Variants in HOMER1 observed in about 807,000 individuals in gnomAD.
The protein encoded by HOMER1 is homer scaffold protein 1.
Under a neutral mutation model 48.9 loss-of-function variants are expected in HOMER1, and 3 were observed. That is an observed-to-expected ratio of 0.06 (90% CI 0.03 to 0.16). The LOEUF is 0.16. Among genes scored for constraint, HOMER1 ranks in the 10% least tolerant of loss-of-function variants. The pLI is 1.00. For synonymous variants in HOMER1, 134 were observed against 146.4 expected, an observed-to-expected ratio of 0.92 and a Z score of 0.61; for missense variants, 247 against 411.4, an observed-to-expected ratio of 0.60 and a Z score of 3.46.
At chr5:79,445,058 T>C (rs1326751274) in intron 4 of HOMER1, among the ~76,000 whole-genome samples, 1 of 152,168 alleles carries the variant, frequency 6.6e-6, no homozygotes, top group Non-Finnish European at 1.5e-5. Flanking sequence ...ATCAACTCTC[T>C]ATACCAGTAG....
intron 4 of HOMER1, among the ~76,000 whole-genome samples, chr5:79,444,238 T>C (rs1750815388): frequency 6.6e-6 from 1 of 152,072 alleles, no homozygotes. Context: ...ACATTAGATA[T>C]TGTCACCCAG....
intron 5 of HOMER1, among the ~76,000 whole-genome samples, chr5:79,415,965 T>C (rs915496370): frequency 1.3e-5 from 2 of 152,186 alleles, no homozygotes; most frequent in Non-Finnish European, 2.9e-5. Context: ...ACTATCTTTA[T>C]AGGGTGATTT....
intron 5 of HOMER1, among the ~76,000 whole-genome samples, chr5:79,422,768 C>G (rs1326747622): frequency 6.6e-6 from 1 of 151,478 alleles, no homozygotes; most frequent in Non-Finnish European, 1.5e-5. Context: ...TGTTCACTAC[C>G]TAGCATTTAA....
chr5:79,495,410 G>A (rs1237387467), intron 1 of HOMER1, among the ~76,000 whole-genome samples: 8 of 152,284 alleles, frequency 5.3e-5, no homozygotes, highest in Admixed American at 4.6e-4. Flanking sequence ...CTGGCTATGT[G>A]AAGCTTTCTC....
At chr5:79,466,474 G>A (rs751042380) in intron 1 of HOMER1, among the ~76,000 whole-genome samples, 41 of 151,146 alleles carry the variant, frequency 2.7e-4, no homozygotes, top group Non-Finnish European at 5.9e-4. Flanking sequence ...CTCCAGCCTG[G>A]CCAACAGAGG....
At chr5:79,451,638 T>C (rs1751031718) in intron 2 of HOMER1, among the ~76,000 whole-genome samples, 1 of 136,748 alleles carries the variant, frequency 7.3e-6, no homozygotes, top group African/African-American at 2.8e-5. Context: ...TGATCTCGGC[T>C]AACTGCAAGC....
At chr5:79,506,173 G>A (rs1752761142) in intron 1 of HOMER1, among the ~76,000 whole-genome samples, 1 of 151,768 alleles carries the variant, frequency 6.6e-6, no homozygotes, top group Non-Finnish European at 1.5e-5. Flanking sequence ...CAAGTGCAAT[G>A]GGGCAATCTC....
At chr5:79,396,742 T>C in intron 8 of HOMER1, 81 bp downstream of exon 8, 1 of 658,520 alleles carries the variant, frequency 1.5e-6, no homozygotes, top group African/African-American at 1.9e-5. Context: ...CAAAATGGAG[T>C]CTCAGAAAAA....
At chr5:79,452,575 T>C (rs1019428110) in intron 2 of HOMER1, among the ~76,000 whole-genome samples, 6 of 152,214 alleles carry the variant, frequency 3.9e-5, no homozygotes, top group African/African-American at 1.4e-4. Flanking sequence ...GAGCATTTTC[T>C]GAACAAAACT....
At position 79,468,208 on chromosome 5, in the gene HOMER1, A is replaced by C. The variant is rs541841825; in HGVS notation, c.6-11190T>G. 1.8e-3 allele frequency among the ~76,000 whole-genome samples: 275 copies of C among 152,306 alleles called. 5 individuals carry two copies. Among genetic ancestry groups the C allele is most frequent in the African/African-American group, 6.4e-3 (264 of 41,548 alleles). ...GCAACTGAGAAAGTGAATTAATTTA[A>C]ACTTTATCTGATACTCAGTTCAGTG... On this transcript the variant is annotated intron_variant, in intron 1 of 8. Coordinates refer to ENST00000334082, the MANE Select transcript of HOMER1 (RefSeq NM_004272.5).
intron 1 of HOMER1, among the ~76,000 whole-genome samples, chr5:79,473,578 C>G (rs1036289162): frequency 6.6e-6 from 1 of 152,174 alleles, no homozygotes; most frequent in Admixed American, 6.5e-5. Flanking sequence ...GCCCTGGAGT[C>G]TGGACAAAGT....
At chr5:79,387,790 G>C (rs1023681482) in intron 8 of HOMER1, among the ~76,000 whole-genome samples, 3 of 152,184 alleles carry the variant, frequency 2.0e-5, no homozygotes, top group African/African-American at 7.2e-5. Context: ...CAAGGTAATA[G>C]TGACTGTGTA....
intron 1 of HOMER1, chr5:79,510,775 C>T: frequency 1.3e-6 from 1 of 758,098 alleles, no homozygotes; most frequent in Non-Finnish European, 2.4e-6. Context: ...TGCCAAGGGG[C>T]TCAGGGTGTG....
At chr5:79,497,539 T>A (rs562132506) in intron 1 of HOMER1, among the ~76,000 whole-genome samples, 1 of 151,584 alleles carries the variant, frequency 6.6e-6, no homozygotes, top group South Asian at 2.1e-4. Context: ...GGTGTACTCA[T>A]CTGTAATCCC....
At chr5:79,497,929 C>T (rs972802899) in intron 1 of HOMER1, among the ~76,000 whole-genome samples, 16 of 152,176 alleles carry the variant, frequency 1.1e-4, no homozygotes, top group African/African-American at 3.9e-4. Flanking sequence ...GACCCCATTC[C>T]TAGACCCACT....
At chr5:79,395,989 T>C (rs1749372572) in intron 8 of HOMER1, among the ~76,000 whole-genome samples, 1 of 152,174 alleles carries the variant, frequency 6.6e-6, no homozygotes. Flanking sequence ...TTCCTCACTC[T>C]ATACATATAC....
At chr5:79,456,182 T>G (rs945886599) in intron 2 of HOMER1, among the ~76,000 whole-genome samples, 2 of 151,378 alleles carry the variant, frequency 1.3e-5, no homozygotes, top group Non-Finnish European at 2.9e-5. Context: ...CAACCAACTC[T>G]TCTGAAGGGC....
At chr5:79,398,188 C>T (rs1749436862) in intron 6 of HOMER1, among the ~76,000 whole-genome samples, 2 of 151,636 alleles carry the variant, frequency 1.3e-5, no homozygotes, top group African/African-American at 4.8e-5. Context: ...ACTGGGGGCC[C>T]AAAGAGTAAT....
chr5:79,423,069 C>T (rs1428271772), intron 5 of HOMER1, among the ~76,000 whole-genome samples: 4 of 152,126 alleles, frequency 2.6e-5, no homozygotes, highest in Non-Finnish European at 1.5e-5. Flanking sequence ...TATCAAACAA[C>T]ACTACTTGAA....
Sources: allele counts gnomAD v4.1 joint callset (sites outside exome capture counted in the v4.1 genomes callset), GRCh38; gene constraint gnomAD v4.1.1; transcripts MANE v1.5; gene names NCBI Gene and HGNC (gene_info 2026-07-23, HGNC 2026-07-21).